Variants in COMMD1 observed in about 807,000 individuals in gnomAD.
COMMD1 encodes the protein copper metabolism domain containing 1, also known as COMM domain-containing protein 1.
COMMD1 carries 10 observed loss-of-function variants against 17.2 expected under a neutral mutation model. The observed-to-expected ratio is 0.58, with a 90% CI of 0.36 to 0.99. COMMD1 has a LOEUF of 0.99. Among genes scored for constraint, COMMD1 ranks in the 50% least tolerant of loss-of-function variants. COMMD1 has a pLI of 0.01. For missense variants in COMMD1, 270 were observed against 231.8 expected, an observed-to-expected ratio of 1.17 and a Z score of -1.07; for synonymous variants, 97 against 91.6, an observed-to-expected ratio of 1.06 and a Z score of -0.34.
intron 1 of COMMD1, among the ~76,000 whole-genome samples, chr2:61,974,775 C>T (rs1393382503): frequency 6.6e-6 from 1 of 151,328 alleles, no homozygotes; most frequent in Non-Finnish European, 1.5e-5. Flanking sequence ...CTCCCATAAA[C>T]CCTCTCACCT....
At chr2:61,920,967 A>G (rs72891747) in intron 1 of COMMD1, among the ~76,000 whole-genome samples, 17,627 of 136,516 alleles carry the variant, frequency 0.13, 1,141 homozygotes, top group East Asian at 0.21. Context: ...ATATGTGTGT[A>G]TATATATATA....
At chr2:62,006,536 A>G (rs1669127662) in intron 2 of COMMD1, among the ~76,000 whole-genome samples, 1 of 152,194 alleles carries the variant, frequency 6.6e-6, no homozygotes, top group African/African-American at 2.4e-5. Flanking sequence ...CTTTGCTTGT[A>G]GTGAATGTTT....
intron 2 of COMMD1, among the ~76,000 whole-genome samples, chr2:62,030,360 A>T: frequency 6.6e-6 from 1 of 152,204 alleles, no homozygotes; most frequent in East Asian, 1.9e-4. Flanking sequence ...ACTAAGAGAC[A>T]GGAGAGCAGA....
At chr2:62,105,639 C>T (rs1437224125) in intron 2 of COMMD1, among the ~76,000 whole-genome samples, 1 of 152,192 alleles carries the variant, frequency 6.6e-6, no homozygotes, top group Non-Finnish European at 1.5e-5. Flanking sequence ...GCCTGACCAA[C>T]ATGGCAAACC....
chr2:62,027,035 T>A (rs1279202027), intron 2 of COMMD1, among the ~76,000 whole-genome samples: 6 of 152,212 alleles, frequency 3.9e-5, no homozygotes, highest in Non-Finnish European at 5.9e-5. Flanking sequence ...ATCCTTTTTG[T>A]ATTTATTTAG....
At chr2:62,120,086 C>T (rs1249109964) in intron 2 of COMMD1, among the ~76,000 whole-genome samples, 2 of 152,146 alleles carry the variant, frequency 1.3e-5, no homozygotes, top group Non-Finnish European at 2.9e-5. Flanking sequence ...CAGCCTTGAC[C>T]TCTGGGCTCA....
Position 62,066,892 on chromosome 2 carries a change from A to T in COMMD1, c.462+65910A>T, listed in dbSNP as rs368933987. 1.5e-3 allele frequency among the ~76,000 whole-genome samples: 223 copies of T among 149,342 alleles called. 4 individuals carry two copies. The South Asian group carries it at 0.044, about 29-fold the overall frequency. On this transcript the variant is annotated intron_variant, in intron 2 of 2. Coordinates refer to ENST00000311832, the MANE Select transcript of COMMD1 (RefSeq NM_152516.4). Reference sequence around the variant, plus strand: ...AGATGTGCACCACCATGCCTGGCTAAGTTTTGTATTTTTAGTAGAGACAGG... The same window carrying T: ...AGATGTGCACCACCATGCCTGGCTATGTTTTGTATTTTTAGTAGAGACAGG...
At chr2:62,121,832 C>G (rs1672758224) in intron 2 of COMMD1, among the ~76,000 whole-genome samples, 2 of 152,116 alleles carry the variant, frequency 1.3e-5, no homozygotes, top group African/African-American at 4.8e-5. Context: ...CACTCTGTCA[C>G]CCAGGTTGGA....
intron 2 of COMMD1, among the ~76,000 whole-genome samples, chr2:62,063,874 T>A (rs1573136108): frequency 2.6e-5 from 3 of 115,400 alleles, no homozygotes; most frequent in African/African-American, 1.1e-4. Flanking sequence ...ACAAAATATA[T>A]ATATATATAT....
At chr2:62,023,361 A>G (rs1669665521) in intron 2 of COMMD1, among the ~76,000 whole-genome samples, 1 of 152,218 alleles carries the variant, frequency 6.6e-6, no homozygotes. Flanking sequence ...TGTTAAACTT[A>G]AATCCAAAAC....
At chr2:62,114,696 T>C (rs1672541267) in intron 2 of COMMD1, among the ~76,000 whole-genome samples, 1 of 152,198 alleles carries the variant, frequency 6.6e-6, no homozygotes, top group Non-Finnish European at 1.5e-5. Context: ...TTTGGTGCCC[T>C]GTCATACTCT....
intron 1 of COMMD1, among the ~76,000 whole-genome samples, chr2:61,914,198 A>G (rs1669989897): frequency 6.6e-6 from 1 of 152,092 alleles, no homozygotes; most frequent in Non-Finnish European, 1.5e-5. Context: ...AAAATTGGAA[A>G]CAATATAATA....
intron 1 of COMMD1, among the ~76,000 whole-genome samples, chr2:61,981,843 G>C (rs962162073): frequency 6.6e-6 from 1 of 152,196 alleles, no homozygotes; most frequent in Non-Finnish European, 1.5e-5. Flanking sequence ...GGGAATTCAA[G>C]ATGAGATTTG....
chr2:61,916,582 C>T (rs567715021), intron 1 of COMMD1, among the ~76,000 whole-genome samples: 4 of 151,962 alleles, frequency 2.6e-5, no homozygotes, highest in South Asian at 2.1e-4. Context: ...CCAACATGCC[C>T]GGCTAATTTA....
At chr2:62,098,946 C>T (rs185848871) in intron 2 of COMMD1, among the ~76,000 whole-genome samples, 35 of 152,258 alleles carry the variant, frequency 2.3e-4, no homozygotes, top group African/African-American at 8.2e-4. Context: ...GATCTTCAGT[C>T]GGACTGGGGA....
chr2:62,129,736 C>A (rs1463526605), intron 2 of COMMD1, among the ~76,000 whole-genome samples: 1 of 152,188 alleles, frequency 6.6e-6, no homozygotes, highest in African/African-American at 2.4e-5. Context: ...CTCCCTCTTC[C>A]TCTTTCTCTC....
intron 1 of COMMD1, among the ~76,000 whole-genome samples, chr2:61,935,380 G>A (rs971427381): frequency 6.6e-6 from 1 of 152,172 alleles, no homozygotes; most frequent in Admixed American, 6.6e-5. Context: ...TGTAATCCCA[G>A]CACTTTGGGA....
intron 2 of COMMD1, among the ~76,000 whole-genome samples, chr2:62,053,728 GAGA>G (rs1670609792): frequency 1.3e-5 from 2 of 152,192 alleles, no homozygotes; most frequent in Admixed American, 1.3e-4. Flanking sequence ...AGTTACCCCA[GAGA>G]AGAAGGGCTT....
chr2:61,913,580 C>T (rs1250206074), intron 1 of COMMD1, among the ~76,000 whole-genome samples: 1 of 151,134 alleles, frequency 6.6e-6, no homozygotes, highest in Non-Finnish European at 1.5e-5. Context: ...AAAATTGGCT[C>T]TACTAAAAAT....
Sources: gnomAD v4.1 joint callset for allele counts (sites outside exome capture counted in the v4.1 genomes callset) on GRCh38, gnomAD v4.1.1 for gene constraint, MANE v1.5 for transcripts, NCBI Gene and HGNC (gene_info 2026-07-23, HGNC 2026-07-21) for gene names.